Variants in BMPR2 observed in about 807,000 individuals in gnomAD.
The protein encoded by BMPR2 is bone morphogenetic protein receptor type 2, also known as bone morphogenetic protein receptor type-2.
A neutral mutation model predicts 100.8 loss-of-function variants in BMPR2; 29 were observed. The observed-to-expected ratio is 0.29, with a 90% CI of 0.21 to 0.39. The LOEUF (loss-of-function observed/expected upper bound fraction) is 0.39, where lower values mean the gene tolerates loss of function less well. Ranked by LOEUF, BMPR2 falls within the 10% of genes least tolerant of loss-of-function variation. The probability of loss-of-function intolerance (pLI) is 1.00; values close to 1 mark genes in which losing one functional copy is unlikely to be tolerated. For missense variants in BMPR2, 1,011 were observed against 1,274.5 expected (o/e 0.79, Z 3.15); for synonymous variants, 382 against 442.3 (o/e 0.86, Z 1.71).
At chr2:202,411,532 C>G (rs1322635336) in intron 1 of BMPR2, among the ~76,000 whole-genome samples, 1 of 152,132 alleles carries the variant, frequency 6.6e-6, no homozygotes, top group Non-Finnish European at 1.5e-5. Flanking sequence ...CTGTGAATGG[C>G]CTGTTTGTTG....
In BMPR2 at chr2:202,556,473, G is replaced by A; in HGVS notation, c.2808G>A (p.Gln936=). ...DPGPSKPRRA[Q]RPNSLDLSAT... ...GGCCATCAAAGCCCAGAAGAGCACAGAGGCCTAATTCTCTGGATCTTTCAG... is the reference window on the plus strand; with the variant it reads ...GGCCATCAAAGCCCAGAAGAGCACAAAGGCCTAATTCTCTGGATCTTTCAG... Residue 936 remains glutamine (Q), a synonymous_variant, in exon 12 of 13, where the codon CAG becomes CAA. Coordinates refer to ENST00000374580, the MANE Select transcript of BMPR2 (RefSeq NM_001204.7). 1 of 1,614,182 alleles carries A rather than the reference G, an allele frequency of 6.2e-7. No individual in the cohort carries two copies. Among genetic ancestry groups the A allele is most frequent in the Non-Finnish European group, 8.5e-7 (1 of 1,180,054 alleles).
intron 2 of BMPR2, among the ~76,000 whole-genome samples, chr2:202,465,578 G>C (rs1692303204): frequency 1.3e-5 from 2 of 152,090 alleles, no homozygotes; most frequent in South Asian, 4.1e-4. Context: ...ATTTTTACTG[G>C]CCGGGCGTGG....
At chr2:202,436,300 G>T (rs1691613513) in intron 1 of BMPR2, among the ~76,000 whole-genome samples, 2 of 150,322 alleles carry the variant, frequency 1.3e-5, no homozygotes, top group Non-Finnish European at 2.9e-5. Flanking sequence ...AAAAAAATTA[G>T]TTGGGCATGA....
At chr2:202,541,430 G>A (rs1688270690) in intron 9 of BMPR2, among the ~76,000 whole-genome samples, 1 of 151,882 alleles carries the variant, frequency 6.6e-6, no homozygotes, top group Non-Finnish European at 1.5e-5. Context: ...GCGTTTCTTT[G>A]AAAAAAAATT....
chr2:202,379,116 T>C (rs1224491909), intron 1 of BMPR2, among the ~76,000 whole-genome samples: 1 of 152,220 alleles, frequency 6.6e-6, no homozygotes, highest in Non-Finnish European at 1.5e-5. Flanking sequence ...AAAGTGGTTG[T>C]AGTCTTTTTT....
intron 1 of BMPR2, among the ~76,000 whole-genome samples, chr2:202,452,947 G>A (rs1692017201): frequency 6.6e-6 from 1 of 152,176 alleles, no homozygotes; most frequent in Admixed American, 6.6e-5. Flanking sequence ...GGAACAGAAA[G>A]TAAATAAATG....
At chr2:202,381,199 T>C (rs1419142237) in intron 1 of BMPR2, among the ~76,000 whole-genome samples, 1 of 151,922 alleles carries the variant, frequency 6.6e-6, no homozygotes, top group Non-Finnish European at 1.5e-5. Flanking sequence ...GATCTCAAAC[T>C]CCTGACCTCG....
chr2:202,394,968 C>T lies in BMPR2; in HGVS notation c.76+17418C>T, dbSNP rs889658027. On this transcript the variant is annotated intron_variant, in intron 1 of 12. Coordinates refer to ENST00000374580, the MANE Select transcript of BMPR2 (RefSeq NM_001204.7). ...TGGCGCAATCTCGGCTCACTGCAAC[C>T]TCCGCCTCCCGGGCAAGCGGTTCTC... 5.3e-5 allele frequency among the ~76,000 whole-genome samples: 8 copies of T among 151,772 alleles called. No homozygotes were observed. In the East Asian group the frequency reaches 1.4e-3, roughly 26 times the overall value.
intron 7 of BMPR2, among the ~76,000 whole-genome samples, chr2:202,523,122 T>C (rs1442709724): frequency 1.3e-5 from 2 of 152,028 alleles, no homozygotes; most frequent in Admixed American, 6.5e-5. Flanking sequence ...CCAACAAATA[T>C]ATGAAAAAAT....
intron 12 of BMPR2, 80 bp from the exon 13 acceptor site, chr2:202,559,616 A>T: frequency 4.1e-6 from 6 of 1,470,582 alleles, no homozygotes; most frequent in African/African-American, 1.4e-5. Flanking sequence ...CATTGGTTTG[A>T]CCTTTTCTTG....
intron 3 of BMPR2, among the ~76,000 whole-genome samples, chr2:202,487,561 G>C (rs892347514): frequency 2.0e-5 from 3 of 152,190 alleles, no homozygotes; most frequent in African/African-American, 7.2e-5. Flanking sequence ...GCAAACGCCA[G>C]AACACTGCTA....
intron 1 of BMPR2, among the ~76,000 whole-genome samples, chr2:202,398,229 T>C (rs561726280): frequency 6.6e-6 from 1 of 152,210 alleles, no homozygotes; most frequent in Admixed American, 6.5e-5. Flanking sequence ...TAAATGAGAC[T>C]GTAGATCAAG....
chr2:202,431,797 A>G (rs1691508837), intron 1 of BMPR2, among the ~76,000 whole-genome samples: 1 of 150,600 alleles, frequency 6.6e-6, no homozygotes, highest in Admixed American at 6.6e-5. Context: ...TACAATAACA[A>G]AATCTCCTAA....
At position 202,555,768 on chromosome 2, in the gene BMPR2, T is replaced by A. The variant is rs749434041; in HGVS notation, c.2103T>A (p.Ser701Arg). Residue 701 changes from serine to arginine, a missense_variant, in exon 12 of 13, where the codon AGT (serine) becomes AGA (arginine). Transcript: ENST00000374580. ...TCAGTGGCCCAGACCCACTGAGCAG[T>A]ACTAGTTCTAGCTTGCTTTACCCAC... The part of the protein sequence containing the change: ...KQFSGPDPLS[S>R]TSSSLLYPLI... The A allele has an allele frequency of 6.2e-7, 1 of 1,614,146 alleles. No homozygotes were observed. Among genetic ancestry groups the A allele is most frequent in the African/African-American group, 1.3e-5 (1 of 75,044 alleles).
chr2:202,559,206 G>A (rs1407725007), intron 12 of BMPR2, among the ~76,000 whole-genome samples: 1 of 151,730 alleles, frequency 6.6e-6, no homozygotes, highest in Admixed American at 6.6e-5. Context: ...AGAGGCTGAG[G>A]CGTGAGAATC....
Position 202,566,189 on chromosome 2 carries a change from TTA to T in BMPR2, c.*6245_*6246del, listed in dbSNP as rs547467916. 5 of 152,694 alleles carry T rather than the reference TTA, an allele frequency of 3.3e-5. No individual in the cohort carries two copies. The South Asian group carries it at 1.0e-3, about 32-fold the overall frequency. 9.5% of individuals were successfully genotyped at this position (152,694 alleles called of 1,614,324 possible). A position where few individuals can be genotyped will look rare whatever the true frequency, so the allele number is the denominator to read the frequency against. On this transcript the variant is annotated 3_prime_UTR_variant, in exon 13 of 13. Transcript: ENST00000374580. Reference sequence around the variant, plus strand: ...AGTTTTAAAAGGCAACATGTGGGTTTTATCCATTTTATTTATACCTTTAGATT... The same window carrying T: ...AGTTTTAAAAGGCAACATGTGGGTTTTCCATTTTATTTATACCTTTAGATT...
At chr2:202,403,319 C>T (rs1282475869) in intron 1 of BMPR2, among the ~76,000 whole-genome samples, 1 of 151,822 alleles carries the variant, frequency 6.6e-6, no homozygotes, top group African/African-American at 2.4e-5. Flanking sequence ...CCTGCCTCAG[C>T]CTCCCGAGTA....
At chr2:202,404,662 A>ATGGGTTGGGTATAT (rs1472692581) in intron 1 of BMPR2, among the ~76,000 whole-genome samples, 3 of 152,184 alleles carry the variant, frequency 2.0e-5, no homozygotes, top group Admixed American at 2.0e-4. Context: ...GGTTTGTTAC[A>ATGGGTTGGGTATAT]TGGGTTGGGT....
At chr2:202,459,872 A>AT (rs1692191657) in intron 1 of BMPR2, among the ~76,000 whole-genome samples, 1 of 152,244 alleles carries the variant, frequency 6.6e-6, no homozygotes, top group African/African-American at 2.4e-5. Context: ...TGCAACTGAC[A>AT]AAGGTGTAAT....
Sources: allele counts gnomAD v4.1 joint callset (sites outside exome capture counted in the v4.1 genomes callset), GRCh38; gene constraint gnomAD v4.1.1; transcripts MANE v1.5; gene names NCBI Gene and HGNC (gene_info 2026-07-23, HGNC 2026-07-21).